MORN1: variants seen among roughly 807,000 people sequenced by gnomAD.
MORN1 encodes MORN repeat containing 1.
In MORN1, 67 loss-of-function variants were observed where a neutral mutation model predicts 61.9. The observed-to-expected ratio is 1.08, with a 90% CI of 0.89 to 1.33. The LOEUF (loss-of-function observed/expected upper bound fraction) is 1.33, where lower values mean the gene tolerates loss of function less well. MORN1 is among the 40% of genes most tolerant of loss of function. The probability of loss-of-function intolerance (pLI) is 0.00; values close to 1 mark genes in which losing one functional copy is unlikely to be tolerated. For synonymous variants in MORN1, 301 were observed against 292.0 expected, an observed-to-expected ratio of 1.03 and a Z score of -0.31; for missense variants, 752 against 691.2, an observed-to-expected ratio of 1.09 and a Z score of -0.99.
At chr1:2,374,076 G>A (rs1397675900) in intron 7 of MORN1, among the ~76,000 whole-genome samples, 1 of 152,236 alleles carries the variant, frequency 6.6e-6, no homozygotes, top group African/African-American at 2.4e-5. Flanking sequence ...ACACCATGGG[G>A]AGAGGGAGGG....
At chr1:2,355,151 T>G in intron 10 of MORN1, 1 of 1,118,718 alleles carries the variant, frequency 8.9e-7, no homozygotes, top group South Asian at 3.1e-5. Flanking sequence ...GCTCTGAAAA[T>G]CTCTCCAAGT....
intron 8 of MORN1, among the ~76,000 whole-genome samples, chr1:2,362,682 C>CA (rs1477009541): frequency 6.6e-6 from 1 of 151,986 alleles, no homozygotes; most frequent in Non-Finnish European, 1.5e-5. Flanking sequence ...CCTACATGGC[C>CA]AAACCCTGTC....
intron 10 of MORN1, among the ~76,000 whole-genome samples, chr1:2,353,459 T>G (rs2840529): frequency 0.51 from 77,644 of 151,974 alleles, 21,083 homozygotes; most frequent in African/African-American, 0.7. Context: ...TGAGAGAGGG[T>G]CTCCGGGAGC....
chr1:2,388,912 G>A (rs980204960), intron 2 of MORN1, among the ~76,000 whole-genome samples: 12 of 151,886 alleles, frequency 7.9e-5, no homozygotes, highest in Non-Finnish European at 1.8e-4. Flanking sequence ...AGGAGTTCGA[G>A]ACCAGCCAGG....
At chr1:2,374,735 TA>T in intron 6 of MORN1, 178 bp from the exon 7 acceptor site, 1 of 571,496 alleles carries the variant, frequency 1.7e-6, no homozygotes, top group Non-Finnish European at 3.1e-6. Context: ...ACTGTTTCAT[TA>T]GAATGCAATC....
At chr1:2,331,656 G>A (rs377433024) in intron 12 of MORN1, among the ~76,000 whole-genome samples, 44 of 152,288 alleles carry the variant, frequency 2.9e-4, no homozygotes, top group African/African-American at 1.0e-3. Context: ...CACAGCTTGT[G>A]AAGGAACCTT....
At chr1:2,385,734 C>G in intron 5 of MORN1, 73 bp downstream of exon 5, 1 of 1,408,704 alleles carries the variant, frequency 7.1e-7, no homozygotes, top group Non-Finnish European at 1.0e-6. Context: ...TCTACACCCC[C>G]AGGCCACATG....
intron 10 of MORN1, among the ~76,000 whole-genome samples, chr1:2,354,024 C>G (rs1369029955): frequency 6.6e-6 from 1 of 152,228 alleles, no homozygotes; most frequent in Non-Finnish European, 1.5e-5. Flanking sequence ...GTGGCTCACG[C>G]CTGTGATCCC....
intron 12 of MORN1, among the ~76,000 whole-genome samples, 159 bp from the exon 13 acceptor site, chr1:2,324,302 G>C (rs1640949831): frequency 6.6e-6 from 1 of 152,194 alleles, no homozygotes; most frequent in Admixed American, 6.5e-5. Context: ...GCAGGACGGG[G>C]AGAGTCCTCT....
chr1:2,337,545 C>T lies in MORN1; in HGVS notation c.1037-695G>A, dbSNP rs1309371545. 1.3e-5 allele frequency among the ~76,000 whole-genome samples: 2 copies of T among 152,196 alleles called. No homozygotes were observed. The highest frequency in any genetic ancestry group is 2.4e-5 in the African/African-American group (1 of 41,440). On this transcript the variant is annotated intron_variant, in intron 10 of 13. Transcript: ENST00000378531. The surrounding 1 kb of genome is among the most constrained non-coding windows in gnomAD (Gnocchi z 5.7). ...GGGCTCCCCTCTGGCTTCCCCCACG[C>T]ACAGATGGAGCTGCAGCCCCCAGGG...
At chr1:2,339,555 GCAA>G (rs1294549328) in intron 10 of MORN1, among the ~76,000 whole-genome samples, 1 of 152,188 alleles carries the variant, frequency 6.6e-6, no homozygotes, top group Non-Finnish European at 1.5e-5. Context: ...TGCAGCTGCA[GCAA>G]CAAGGCTGAC....
intron 13 of MORN1, chr1:2,322,341 G>C (rs1177808873): frequency 1.0e-6 from 1 of 985,338 alleles, no homozygotes; most frequent in African/African-American, 1.7e-5. Flanking sequence ...CTCACACCAG[G>C]AATGCGGCCG....
intron 8 of MORN1, among the ~76,000 whole-genome samples, chr1:2,363,811 A>ATAT (rs1553217340): frequency 7.4e-6 from 1 of 135,100 alleles, no homozygotes; most frequent in African/African-American, 3.0e-5. Context: ...CAAACAAAAA[A>ATAT]ATATATATAT....
At chr1:2,370,946 C>G (rs1477608766) in intron 8 of MORN1, among the ~76,000 whole-genome samples, 4 of 152,022 alleles carry the variant, frequency 2.6e-5, no homozygotes, top group Admixed American at 6.6e-5. Context: ...TGGCTCACGT[C>G]TGTAATCCCA....
intron 6 of MORN1, among the ~76,000 whole-genome samples, chr1:2,384,581 C>T (rs1037926856): frequency 2.6e-5 from 4 of 152,212 alleles, no homozygotes; most frequent in Admixed American, 6.5e-5. Flanking sequence ...GGCCCCAGAT[C>T]GCCGAGGCGC....
At chr1:2,384,241 A>T (rs2843128) in intron 6 of MORN1, among the ~76,000 whole-genome samples, 1 of 151,978 alleles carries the variant, frequency 6.6e-6, no homozygotes, top group African/African-American at 2.4e-5. Flanking sequence ...CTCAGGCACC[A>T]ACCTTGACTC....
At chr1:2,387,937 CCA>C (rs1360399667) in intron 3 of MORN1, 5 of 436,112 alleles carry the variant, frequency 1.1e-5, no homozygotes, top group Admixed American at 3.9e-5. Context: ...CAACGAATCC[CCA>C]GAGCTGGTTT....
intron 8 of MORN1, among the ~76,000 whole-genome samples, chr1:2,367,622 TA>T (rs1256794470): frequency 3.9e-5 from 6 of 152,172 alleles, no homozygotes; most frequent in African/African-American, 1.2e-4. Context: ...TTCACAGTCC[TA>T]AATGTAAGAG....
At chr1:2,335,623 A>G (rs1641248604) in intron 12 of MORN1, among the ~76,000 whole-genome samples, 1 of 152,276 alleles carries the variant, frequency 6.6e-6, no homozygotes, top group East Asian at 1.9e-4. Context: ...CCGCGTCACC[A>G]AAATCTTTTG....
Sources: allele counts gnomAD v4.1 joint callset (sites outside exome capture counted in the v4.1 genomes callset), GRCh38; gene constraint gnomAD v4.1.1; non-coding constraint Gnocchi (gnomAD v3.1); transcripts MANE v1.5; gene names NCBI Gene and HGNC (gene_info 2026-07-23, HGNC 2026-07-21).